Variants in CNOT10 observed in about 807,000 individuals in gnomAD.
CNOT10 encodes the protein CCR4-NOT transcription complex subunit 10, also known as CCR4-NOT transcription complex, subunit 10.
A neutral mutation model predicts 94.6 loss-of-function variants in CNOT10; 30 were observed. That is an observed-to-expected ratio of 0.32 (90% CI 0.24 to 0.43). The LOEUF (loss-of-function observed/expected upper bound fraction) is 0.43. Ranked by LOEUF, CNOT10 falls within the 20% of genes least tolerant of loss-of-function variation. CNOT10 has a pLI of 1.00. For missense variants in CNOT10, 759 were observed against 877.2 expected (o/e 0.87, Z 1.70); for synonymous variants, 289 against 301.6 (o/e 0.96, Z 0.43).
At chr3:32,702,678 C>T (rs1329859131) in intron 1 of CNOT10, among the ~76,000 whole-genome samples, 2 of 152,120 alleles carry the variant, frequency 1.3e-5, no homozygotes, top group Admixed American at 6.6e-5. Context: ...GTTTATATCT[C>T]CAGCACCTGC....
At chr3:32,734,221 A>C (rs1699079897) in intron 11 of CNOT10, among the ~76,000 whole-genome samples, 1 of 152,230 alleles carries the variant, frequency 6.6e-6, no homozygotes, top group Non-Finnish European at 1.5e-5. Flanking sequence ...AGCATTTCAA[A>C]GTTTTAAAGC....
intron 10 of CNOT10, among the ~76,000 whole-genome samples, chr3:32,730,188 C>A (rs1043012480): frequency 6.6e-6 from 1 of 152,018 alleles, no homozygotes; most frequent in African/African-American, 2.4e-5. Context: ...CAGGGAGTTA[C>A]CTTTTTCTGG....
intron 4 of CNOT10, among the ~76,000 whole-genome samples, chr3:32,711,138 G>A (rs751443880): frequency 1.3e-5 from 2 of 152,058 alleles, no homozygotes; most frequent in Non-Finnish European, 2.9e-5. Flanking sequence ...CTTTACCCCC[G>A]TTAAGCTTCT....
At chr3:32,718,355 C>T (rs547193197) in intron 7 of CNOT10, among the ~76,000 whole-genome samples, 7 of 146,722 alleles carry the variant, frequency 4.8e-5, no homozygotes, top group South Asian at 2.1e-4. Context: ...GAGGCTGAGG[C>T]GGGCGGATCA....
At chr3:32,702,459 C>A (rs1697396083) in intron 1 of CNOT10, among the ~76,000 whole-genome samples, 1 of 152,146 alleles carries the variant, frequency 6.6e-6, no homozygotes, top group Non-Finnish European at 1.5e-5. Flanking sequence ...GTAGTTTTCC[C>A]AGCTAAACAG....
chr3:32,729,544 A>G lies in CNOT10; in HGVS notation c.1215+1674A>G, dbSNP rs993847873. Among the ~76,000 whole-genome samples the G allele has an allele frequency of 1.1e-4, 16 of 152,300 alleles. 1 individual carries two copies. Among genetic ancestry groups the G allele is most frequent in the Admixed American group, 1.0e-3 (16 of 15,280 alleles). On this transcript the variant is annotated intron_variant, in intron 10 of 18. Transcript: ENST00000328834. ...TCCTCCCGCTGAACAGCAGTTTCTG[A>G]GAAGTACAAGAACTAAGGGGATTAA...
chr3:32,736,510 C>T (rs897451429), intron 12 of CNOT10, among the ~76,000 whole-genome samples: 4 of 152,108 alleles, frequency 2.6e-5, no homozygotes, highest in African/African-American at 9.7e-5. Flanking sequence ...CATGGTGGCT[C>T]ACACCTGTAA....
intron 4 of CNOT10, among the ~76,000 whole-genome samples, chr3:32,709,767 G>T (rs1189623736): frequency 6.6e-6 from 1 of 152,154 alleles, no homozygotes; most frequent in Non-Finnish European, 1.5e-5. Context: ...ACACTTTTAG[G>T]ACTGTACACA....
chr3:32,737,459 C>G lies in CNOT10; in HGVS notation c.1564C>G (p.Pro522Ala). Reference sequence around the variant, plus strand: ...ATTCATTCCAGCTCCACCTTCTTCTCCATTGAGAAAACAGGAATTAGAAAA... The same window carrying G: ...ATTCATTCCAGCTCCACCTTCTTCTGCATTGAGAAAACAGGAATTAGAAAA... ...DKFIPAPPSS[P>A]LRKQELENLK... is the part of the protein sequence containing the mutation. The change falls in exon 13 of 19, where the codon CCA becomes GCA. Residue 522 changes from proline (P) to alanine (A), a missense_variant. By Grantham distance (27) the Pro-to-Ala change is conservative. Coordinates refer to ENST00000328834, the MANE Select transcript of CNOT10 (RefSeq NM_015442.3). 3 of 1,611,322 alleles carry G rather than the reference C, an allele frequency of 1.9e-6. No individual in the cohort carries two copies. The highest frequency in any genetic ancestry group is 2.5e-6 in the Non-Finnish European group (3 of 1,177,842).
intron 13 of CNOT10, chr3:32,753,867 T>C: frequency 7.0e-7 from 1 of 1,419,304 alleles, no homozygotes; most frequent in Non-Finnish European, 9.9e-7. Flanking sequence ...AAAGTTGAAA[T>C]CAATCCTGAT....
At chr3:32,760,179 C>CAA (rs376621393) in intron 14 of CNOT10, among the ~76,000 whole-genome samples, 299 of 133,376 alleles carry the variant, frequency 2.2e-3, no homozygotes, top group African/African-American at 8.0e-3. Context: ...GACTCTGTCT[C>CAA]AAAAAAAAAA....
Position 32,734,955 on chromosome 3 carries a change from G to C in CNOT10, c.1493G>C (p.Ser498Thr), listed in dbSNP as rs1699117451. 2 of 1,613,572 alleles carry C rather than the reference G, an allele frequency of 1.2e-6. No homozygotes were observed. The highest frequency in any genetic ancestry group is 2.2e-5 in the East Asian group (1 of 44,884). The change falls in exon 12 of 19, where the codon AGC (serine) becomes ACC (threonine). Residue 498 changes from serine (S) to threonine (T), a missense_variant. Transcript: ENST00000328834. ...SNQLGGNTES[S>T]ESSETCSSKS... Reference sequence around the variant, plus strand: ...CAATTAGGTGGGAACACAGAGAGCAGCGAAAGCAGTGAAACTTGCAGGTAT... The same window carrying C: ...CAATTAGGTGGGAACACAGAGAGCACCGAAAGCAGTGAAACTTGCAGGTAT...
intron 2 of CNOT10, 152 bp downstream of exon 2, chr3:32,704,114 T>A: frequency 3.7e-6 from 2 of 546,276 alleles, no homozygotes; most frequent in Non-Finnish European, 6.4e-6. Context: ...AAATAAATGT[T>A]TTAGAGTTTA....
In CNOT10 at chr3:32,704,797, T is replaced by G; in HGVS notation, c.118-14T>G. ...TGTAATTTTGTGTGTGTGTGTGTGG[T>G]TTTTTTTTTTTAGTCTGGAAATTAT... On this transcript the variant is annotated splice_polypyrimidine_tract_variant and intron_variant, in intron 2 of 18. Transcript: ENST00000328834. The G allele has an allele frequency of 5.7e-6, 4 of 697,292 alleles. No homozygotes were observed. Among genetic ancestry groups the G allele is most frequent in the East Asian group, 5.1e-5 (1 of 19,420 alleles). The allele number at this position is 697,292 out of a possible 1,614,324, so 43.2% of individuals were successfully genotyped here.
At chr3:32,702,112 T>TTC (rs1553629368) in intron 1 of CNOT10, among the ~76,000 whole-genome samples, 3 of 151,162 alleles carry the variant, frequency 2.0e-5, no homozygotes, top group Non-Finnish European at 4.4e-5. Context: ...TTTTTTTTTT[T>TTC]CTCAAGACAG....
In CNOT10 at chr3:32,725,439, A is replaced by C; in HGVS notation, c.863-11A>C. 6.2e-7 allele frequency: 1 copy of C among 1,611,750 alleles called. No individual in the cohort carries two copies. Among genetic ancestry groups the C allele is most frequent in the Non-Finnish European group, 8.5e-7 (1 of 1,178,610 alleles). On this transcript the variant is annotated splice_polypyrimidine_tract_variant and intron_variant, in intron 8 of 18. Transcript: ENST00000328834. ...TTTTTCTGTGGACAAATTTATTTGC[A>C]TTTTTTTCAGGTGAATGCTTGAGAT...
At chr3:32,760,276 C>A (rs531602814) in intron 14 of CNOT10, among the ~76,000 whole-genome samples, 2 of 152,134 alleles carry the variant, frequency 1.3e-5, no homozygotes, top group South Asian at 4.1e-4. Flanking sequence ...AATACTTCTT[C>A]ATTAATATCA....
chr3:32,721,682 C>A (rs1263354526), intron 8 of CNOT10, among the ~76,000 whole-genome samples: 2 of 148,420 alleles, frequency 1.3e-5, no homozygotes, highest in Admixed American at 1.3e-4. Flanking sequence ...TGTCTCCCTC[C>A]GTCGCCCAGG....
chr3:32,764,925 C>A (rs1192473481), intron 17 of CNOT10, 116 bp downstream of exon 17: 4 of 1,516,288 alleles, frequency 2.6e-6, no homozygotes, highest in Admixed American at 4.3e-5. Context: ...ATTGGAATAT[C>A]ACTTTCCCAG....
Sources: gnomAD v4.1 joint callset for allele counts (sites outside exome capture counted in the v4.1 genomes callset) on GRCh38, gnomAD v4.1.1 for gene constraint, MANE v1.5 for transcripts, NCBI Gene and HGNC (gene_info 2026-07-23, HGNC 2026-07-21) for gene names.